Variants in ZBTB7C observed in about 807,000 individuals in gnomAD.
ZBTB7C encodes the protein zinc finger and BTB domain containing 7C, also known as zinc finger and BTB domain-containing protein 7C.
A neutral mutation model predicts 25.7 loss-of-function variants in ZBTB7C; 8 were observed. The observed-to-expected ratio is 0.31, with a 90% confidence interval of 0.18 to 0.56. ZBTB7C has a LOEUF of 0.56. ZBTB7C is among the 20% of genes least tolerant of loss of function. The probability of loss-of-function intolerance (pLI) is 0.91; values close to 1 mark genes in which losing one functional copy is unlikely to be tolerated. For missense variants in ZBTB7C, 824 were observed against 855.2 expected (o/e 0.96, Z 0.46); for synonymous variants, 394 against 369.0 (o/e 1.07, Z -0.78).
At chr18:48,341,249 C>T (rs2046592529) in intron 1 of ZBTB7C, among the ~76,000 whole-genome samples, 1 of 152,148 alleles carries the variant, frequency 6.6e-6, no homozygotes, top group Non-Finnish European at 1.5e-5. Flanking sequence ...GAGCTCTTTT[C>T]CCCCGGAGAT....
chr18:48,181,728 T>C (rs2041929057), intron 3 of ZBTB7C, among the ~76,000 whole-genome samples: 2 of 152,180 alleles, frequency 1.3e-5, no homozygotes, highest in Non-Finnish European at 2.9e-5. Flanking sequence ...ACTGAAGCCC[T>C]GGAATCTTAG....
chr18:48,384,051 C>T (rs1012214717), intron 1 of ZBTB7C, among the ~76,000 whole-genome samples: 7 of 152,168 alleles, frequency 4.6e-5, no homozygotes, highest in African/African-American at 1.7e-4. Context: ...AGAGCAGTAA[C>T]AACAAACGTG....
At chr18:48,275,439 A>G (rs921564829) in intron 2 of ZBTB7C, among the ~76,000 whole-genome samples, 2 of 152,200 alleles carry the variant, frequency 1.3e-5, no homozygotes, top group South Asian at 2.1e-4. Context: ...GACACAGCCT[A>G]GCTCAGTCTT....
At chr18:48,078,642 C>T (rs2037864608) in intron 3 of ZBTB7C, among the ~76,000 whole-genome samples, 1 of 152,180 alleles carries the variant, frequency 6.6e-6, no homozygotes. Flanking sequence ...CATTCTCACA[C>T]CAGAGTGGTA....
At chr18:48,113,666 A>G (rs372241890) in intron 3 of ZBTB7C, among the ~76,000 whole-genome samples, 7 of 150,692 alleles carry the variant, frequency 4.6e-5, no homozygotes, top group East Asian at 3.9e-4. Flanking sequence ...AACATGTGCA[A>G]ACGATGAACT....
intron 2 of ZBTB7C, among the ~76,000 whole-genome samples, chr18:48,229,468 G>A (rs1377190139): frequency 6.6e-6 from 1 of 152,124 alleles, no homozygotes; most frequent in East Asian, 1.9e-4. Flanking sequence ...GCCTGCCCTA[G>A]AAGCTCTGAT....
chr18:48,225,307 G>T (rs1304232773), intron 2 of ZBTB7C, among the ~76,000 whole-genome samples: 2 of 151,686 alleles, frequency 1.3e-5, no homozygotes, highest in Non-Finnish European at 2.9e-5. Context: ...GAAGCGAAAA[G>T]GGAGAGGGAG....
At position 48,354,729 on chromosome 18, in the gene ZBTB7C, T is replaced by C. The variant is rs549870971; in HGVS notation, c.-303-16331A>G. Among the ~76,000 whole-genome samples the C allele has an allele frequency of 9.9e-5, 15 of 152,156 alleles. 1 individual carries two copies. The highest frequency in any genetic ancestry group is 9.8e-4 in the Admixed American group (15 of 15,280). On this transcript the variant is annotated intron_variant, in intron 1 of 4. Coordinates refer to ENST00000590800, the MANE Select transcript of ZBTB7C (RefSeq NM_001318841.2). ...AGCAATTCCAGTCCCTGCAGCCAGT[T>C]AGGCAGGGAGGAAAGGGCTGGTGTG...
At chr18:48,223,021 C>T (rs1182839892) in intron 2 of ZBTB7C, among the ~76,000 whole-genome samples, 1 of 152,244 alleles carries the variant, frequency 6.6e-6, no homozygotes, top group South Asian at 2.1e-4. Context: ...TCTGGGCCAG[C>T]AACCTTTTCT....
intron 3 of ZBTB7C, among the ~76,000 whole-genome samples, chr18:48,160,096 G>C (rs1053990601): frequency 2.0e-5 from 3 of 152,212 alleles, no homozygotes; most frequent in African/African-American, 7.2e-5. Context: ...CAGACCCACA[G>C]TCTCCTCCCG....
intron 2 of ZBTB7C, among the ~76,000 whole-genome samples, chr18:48,276,206 T>A (rs568572776): frequency 4.6e-5 from 7 of 151,894 alleles, no homozygotes; most frequent in African/African-American, 1.7e-4. Flanking sequence ...ATTCCTCTTC[T>A]CATTTTCTTG....
intron 2 of ZBTB7C, among the ~76,000 whole-genome samples, chr18:48,331,469 T>C (rs936855686): frequency 1.3e-5 from 2 of 152,178 alleles, no homozygotes; most frequent in African/African-American, 4.8e-5. Flanking sequence ...AACCCAGGAT[T>C]CTAACTTTAT....
chr18:48,186,242 C>T (rs1041879437), intron 2 of ZBTB7C, among the ~76,000 whole-genome samples: 1 of 152,202 alleles, frequency 6.6e-6, no homozygotes, highest in African/African-American at 2.4e-5. Flanking sequence ...CTGTGCCAGT[C>T]TCAGATTGAC....
At chr18:48,180,206 C>A (rs1285141338) in intron 3 of ZBTB7C, 3 of 229,988 alleles carry the variant, frequency 1.3e-5, no homozygotes, top group Admixed American at 4.5e-5. Context: ...GATATTTCTC[C>A]TTCCTTCCTT....
At chr18:48,145,480 AG>A (rs1182157070) in intron 3 of ZBTB7C, among the ~76,000 whole-genome samples, 1 of 152,214 alleles carries the variant, frequency 6.6e-6, no homozygotes, top group Non-Finnish European at 1.5e-5. Context: ...ATCCCTGCTA[AG>A]CAACTGCATA....
At chr18:48,391,225 C>T (rs2047895514) in intron 1 of ZBTB7C, among the ~76,000 whole-genome samples, 1 of 152,230 alleles carries the variant, frequency 6.6e-6, no homozygotes, top group Non-Finnish European at 1.5e-5. Context: ...GGGACATCCT[C>T]TCCACGGGCC....
intron 1 of ZBTB7C, among the ~76,000 whole-genome samples, chr18:48,372,450 G>A (rs1016090976): frequency 1.3e-5 from 2 of 152,174 alleles, no homozygotes; most frequent in Non-Finnish European, 2.9e-5. Context: ...TCCGCGCTGA[G>A]GGAGTTAAAA....
chr18:48,229,942 A>T (rs1382311112), intron 2 of ZBTB7C, among the ~76,000 whole-genome samples: 2 of 152,166 alleles, frequency 1.3e-5, no homozygotes, highest in Non-Finnish European at 2.9e-5. Flanking sequence ...TCCGGGAAGC[A>T]GGGGGCTGCC....
At chr18:48,226,872 T>A (rs1467640553) in intron 2 of ZBTB7C, among the ~76,000 whole-genome samples, 4 of 151,750 alleles carry the variant, frequency 2.6e-5, no homozygotes, top group African/African-American at 9.7e-5. Flanking sequence ...TACAAAAAAT[T>A]AGCCAGGCGT....
Sources: gnomAD v4.1 joint callset for allele counts (sites outside exome capture counted in the v4.1 genomes callset) on GRCh38, gnomAD v4.1.1 for gene constraint, MANE v1.5 for transcripts, NCBI Gene and HGNC (gene_info 2026-07-23, HGNC 2026-07-21) for gene names.